INTS12: variants seen among roughly 807,000 people sequenced by gnomAD.
INTS12 encodes PHD finger protein 22.
INTS12 carries 13 observed loss-of-function variants against 41.6 expected under a neutral mutation model. The observed-to-expected ratio is 0.31, with a 90% confidence interval of 0.20 to 0.50. The LOEUF (loss-of-function observed/expected upper bound fraction) is 0.50, where lower values mean the gene tolerates loss of function less well. Among genes scored for constraint, INTS12 ranks in the 20% least tolerant of loss-of-function variants. The pLI is 0.98. For synonymous variants in INTS12, 199 were observed against 191.4 expected, an observed-to-expected ratio of 1.04 and a Z score of -0.33; for missense variants, 432 against 541.6, an observed-to-expected ratio of 0.80 and a Z score of 2.01.
At chr4:105,705,128 G>C (rs1410337574) in intron 1 of INTS12, among the ~76,000 whole-genome samples, 1 of 152,170 alleles carries the variant, frequency 6.6e-6, no homozygotes, top group East Asian at 1.9e-4. Context: ...GTAGGCAAGC[G>C]AGGGAAGCTT....
intron 1 of INTS12, among the ~76,000 whole-genome samples, 164 bp from the exon 2 acceptor site, chr4:105,703,973 C>T (rs1732174258): frequency 6.6e-6 from 1 of 152,154 alleles, no homozygotes; most frequent in African/African-American, 2.4e-5. Flanking sequence ...CTCTTCTTGT[C>T]CCCTCTTGAA....
At chr4:105,704,105 C>T (rs775130220) in intron 1 of INTS12, among the ~76,000 whole-genome samples, 1 of 151,524 alleles carries the variant, frequency 6.6e-6, no homozygotes, top group East Asian at 1.9e-4. Context: ...TATAGCAAAA[C>T]GTTCTCAGAA....
intron 6 of INTS12, among the ~76,000 whole-genome samples, chr4:105,691,117 T>C (rs1731667837): frequency 6.6e-6 from 1 of 152,228 alleles, no homozygotes; most frequent in East Asian, 1.9e-4. Context: ...CCCGAGTTTT[T>C]ACTTTTAACT....
rs760048221 is a variant in INTS12 at position 105,693,314 on chromosome 4, G to A, written c.482C>T (p.Ala161Val). 6.2e-7 allele frequency: 1 copy of A among 1,607,492 alleles called. No individual in the cohort carries two copies. Among genetic ancestry groups the A allele is most frequent in the South Asian group, 1.1e-5 (1 of 90,064 alleles). The change falls in exon 5 of 8, where the codon GCC (alanine) becomes GTC (valine). Residue 161 changes from alanine to valine, a missense_variant. Around this residue, in one of 3 missense-constraint regions of INTS12, gnomAD observed 168 missense variants for 198.9 expected, o/e 0.84. Transcript: ENST00000340139. The stretch of plus-strand genomic sequence containing the variant: ...TACAACTTACCTACAAACAACGCAG[G>A]CCAATCCCATCTCCATGGCAAAATC... ...ADDFAMEMGL[A>V]CVVCRQMMVA... is the part of the protein sequence containing the mutation.
At chr4:105,699,779 G>T (rs1731993924) in intron 3 of INTS12, 71 bp downstream of exon 3, 2 of 1,023,314 alleles carry the variant, frequency 2.0e-6, no homozygotes, top group African/African-American at 1.6e-5. Context: ...TTTTGAGATG[G>T]TCTATATGTT....
In INTS12 at chr4:105,695,641, T is replaced by C. The variant is rs1731835782; in HGVS notation, c.184A>G (p.Thr62Ala). The C allele has an allele frequency of 7.4e-6, 12 of 1,612,886 alleles. No individual in the cohort carries two copies. Among genetic ancestry groups the C allele is most frequent in the Non-Finnish European group, 1.0e-5 (12 of 1,179,758 alleles). Residue 62 changes from threonine to alanine, a missense_variant, in exon 4 of 8, where the codon ACA becomes GCA. By Grantham distance (58) the Thr-to-Ala change is moderately conservative. Coordinates refer to ENST00000340139, the MANE Select transcript of INTS12 (RefSeq NM_020395.4). ...KDVEPPKISS[T>A]KNISIKQEPK... ...TCTTGCTTAATGGAAATGTTTTTTG[T>C]GCTTGAAATTTTGGGTGGCTCCACA... is the stretch of plus-strand genomic sequence containing the variant.
intron 6 of INTS12, among the ~76,000 whole-genome samples, chr4:105,689,257 A>G (rs1731599747): frequency 6.6e-6 from 1 of 152,236 alleles, no homozygotes; most frequent in African/African-American, 2.4e-5. Flanking sequence ...TGTGTACCGC[A>G]GAACTTGCCC....
At chr4:105,700,688 AATATC>A (rs1006873721) in intron 2 of INTS12, among the ~76,000 whole-genome samples, 4 of 142,868 alleles carry the variant, frequency 2.8e-5, no homozygotes, top group Admixed American at 7.0e-5. Context: ...TCTGAGGGAT[AATATC>A]ATATCTACTT....
At chr4:105,702,297 G>A (rs1196908093) in intron 2 of INTS12, among the ~76,000 whole-genome samples, 3 of 151,468 alleles carry the variant, frequency 2.0e-5, no homozygotes, top group Non-Finnish European at 2.9e-5. Flanking sequence ...CACCACACCC[G>A]GCTAATTTTT....
Position 105,693,450 on chromosome 4 carries a change from T to G in INTS12, c.346A>C (p.Lys116Gln). The change falls in exon 5 of 8, where the codon AAG (lysine) becomes CAG (glutamine). Residue 116 changes from lysine to glutamine, a missense_variant. Transcript: ENST00000340139. ...SDITEGVDIP[K>Q]KPRLEKPETQ... ...TCTGGTTTCTCCAATCTAGGTTTCT[T>G]TGGAATATCAACTCCTTCAGTGATG... 1 of 1,613,454 alleles carries G rather than the reference T, an allele frequency of 6.2e-7. No homozygotes were observed. Among genetic ancestry groups the G allele is most frequent in the Non-Finnish European group, 8.5e-7 (1 of 1,179,528 alleles).
chr4:105,702,178 C>T (rs1342634730), intron 2 of INTS12, among the ~76,000 whole-genome samples: 1 of 147,752 alleles, frequency 6.8e-6, no homozygotes, highest in African/African-American at 2.5e-5. Context: ...CTCTGTCGCC[C>T]AGGCTGGAGT....
chr4:105,685,165 AC>A (rs1731458782), intron 7 of INTS12, among the ~76,000 whole-genome samples: 1 of 152,094 alleles, frequency 6.6e-6, no homozygotes, highest in Non-Finnish European at 1.5e-5. Context: ...GTGAATGGGA[AC>A]AATTTTTTTA....
intron 3 of INTS12, among the ~76,000 whole-genome samples, chr4:105,697,485 A>C (rs1045496036): frequency 1.3e-5 from 2 of 152,188 alleles, no homozygotes; most frequent in African/African-American, 2.4e-5. Flanking sequence ...TTGATATATT[A>C]TTATGCTGAT....
At chr4:105,696,532 C>T (rs1164821893) in intron 3 of INTS12, among the ~76,000 whole-genome samples, 1 of 152,048 alleles carries the variant, frequency 6.6e-6, no homozygotes, top group Middle Eastern at 3.2e-3. Flanking sequence ...TTTAGTGTAT[C>T]AATAGTTAAT....
chr4:105,701,784 T>C (rs909661330), intron 2 of INTS12, among the ~76,000 whole-genome samples: 1 of 152,226 alleles, frequency 6.6e-6, no homozygotes, highest in African/African-American at 2.4e-5. Flanking sequence ...GGTTGACACC[T>C]AAAAGAACCC....
At chr4:105,689,396 T>C (rs1465063767) in intron 6 of INTS12, among the ~76,000 whole-genome samples, 1 of 152,228 alleles carries the variant, frequency 6.6e-6, no homozygotes, top group Non-Finnish European at 1.5e-5. Context: ...TTAGAATGAC[T>C]GTATTTAGAA....
At chr4:105,704,040 T>C (rs1301339290) in intron 1 of INTS12, among the ~76,000 whole-genome samples, 1 of 151,998 alleles carries the variant, frequency 6.6e-6, no homozygotes, top group Non-Finnish European at 1.5e-5. Context: ...GCCTTTCTAC[T>C]GGCATCTTTT....
At position 105,683,055 on chromosome 4, in the gene INTS12, G is replaced by A. The variant is rs1037884673; in HGVS notation, c.1067C>T (p.Pro356Leu). Residue 356 changes from proline to leucine, a missense_variant, in exon 8 of 8, where the codon CCC (proline) becomes CTC (leucine). Pro to Leu is a moderately conservative substitution (Grantham distance 98). Coordinates refer to ENST00000340139, the MANE Select transcript of INTS12 (RefSeq NM_020395.4). ...SKIGSNNSTT[P>L]TVPLKPPPPL... The stretch of plus-strand genomic sequence containing the variant: ...TGGAGGTGGTTTTAAAGGTACAGTG[G>A]GCGTAGTGCTGTTATTGGAACCTAT... 52 of 1,613,960 alleles carry A rather than the reference G, an allele frequency of 3.2e-5. 1 individual carries two copies. The Admixed American group carries it at 8.7e-4, about 27-fold the overall frequency.
chr4:105,700,996 C>T (rs948456880), intron 2 of INTS12, among the ~76,000 whole-genome samples: 2 of 152,068 alleles, frequency 1.3e-5, no homozygotes, highest in Non-Finnish European at 2.9e-5. Flanking sequence ...ATCTTCTATC[C>T]TTGAGGTTAA....
Sources: gnomAD v4.1 joint callset for allele counts (sites outside exome capture counted in the v4.1 genomes callset) on GRCh38, gnomAD v4.1.1 for gene constraint, gnomAD v4.1.1 regional missense constraint, MANE v1.5 for transcripts, NCBI Gene and HGNC (gene_info 2026-07-23, HGNC 2026-07-21) for gene names.